The following EPN2 variants were observed in gnomAD, a reference collection of about 807,000 sequenced individuals.
EPN2 encodes the protein epsin 2.
Under a neutral mutation model 61.7 loss-of-function variants are expected in EPN2, and 34 were observed. The ratio of observed to expected loss-of-function variants is 0.55; its 90% confidence interval spans 0.42 to 0.73. The LOEUF is 0.73. EPN2 is among the 30% of genes least tolerant of loss of function. The probability of loss-of-function intolerance (pLI) is 0.00; values close to 1 mark genes in which losing one functional copy is unlikely to be tolerated. For synonymous variants in EPN2, 349 were observed against 353.6 expected, an observed-to-expected ratio of 0.99 and a Z score of 0.15; for missense variants, 714 against 839.2, an observed-to-expected ratio of 0.85 and a Z score of 1.84.
At chr17:19,271,248 G>A (rs2045249980) in intron 1 of EPN2, among the ~76,000 whole-genome samples, 1 of 152,160 alleles carries the variant, frequency 6.6e-6, no homozygotes, top group Non-Finnish European at 1.5e-5. Flanking sequence ...ATGACAGCTG[G>A]TGACGTTGAT....
intron 1 of EPN2, among the ~76,000 whole-genome samples, chr17:19,268,883 T>G (rs4924967): frequency 0.44 from 66,642 of 152,068 alleles, 21,449 homozygotes; most frequent in East Asian, 0.99. Flanking sequence ...TGGGGAAGAC[T>G]GCATACTGTT....
chr17:19,318,905 C>A (rs371644928), intron 7 of EPN2, among the ~76,000 whole-genome samples: 1 of 151,770 alleles, frequency 6.6e-6, no homozygotes, highest in African/African-American at 2.4e-5. Flanking sequence ...AGAATTCTTC[C>A]GGAAATGTTG....
At chr17:19,315,150 C>G (rs73982685) in intron 7 of EPN2, among the ~76,000 whole-genome samples, 42 of 152,292 alleles carry the variant, frequency 2.8e-4, no homozygotes, top group African/African-American at 9.9e-4. Flanking sequence ...TTTTCCCAGT[C>G]AGGAGAGACA....
intron 9 of EPN2, 88 bp downstream of exon 9, chr17:19,329,735 C>T (rs543913877): frequency 2.3e-4 from 171 of 751,388 alleles, no homozygotes; most frequent in South Asian, 6.1e-4. Context: ...TTTCAAAACC[C>T]TTCAGCTTCC....
At chr17:19,305,091 G>C (rs146111371) in intron 4 of EPN2, among the ~76,000 whole-genome samples, 1 of 151,658 alleles carries the variant, frequency 6.6e-6, no homozygotes, top group Non-Finnish European at 1.5e-5. Context: ...TGTCCCATGT[G>C]CTGTAAAATG....
At chr17:19,294,334 C>T (rs999319679) in intron 4 of EPN2, among the ~76,000 whole-genome samples, 6 of 151,970 alleles carry the variant, frequency 3.9e-5, no homozygotes, top group African/African-American at 1.2e-4. Context: ...TGGGAGGAAT[C>T]GCCTGAGCTC....
At chr17:19,302,050 T>C (rs1905550658) in intron 4 of EPN2, among the ~76,000 whole-genome samples, 1 of 152,200 alleles carries the variant, frequency 6.6e-6, no homozygotes, top group Non-Finnish European at 1.5e-5. Flanking sequence ...TGGGCCCCGG[T>C]GTCCTCATCA....
chr17:19,303,021 C>CAT (rs1905610043), intron 4 of EPN2, among the ~76,000 whole-genome samples: 2 of 152,246 alleles, frequency 1.3e-5, no homozygotes, highest in South Asian at 4.1e-4. Flanking sequence ...TACAGGCATC[C>CAT]ACACACAGAG....
intron 7 of EPN2, among the ~76,000 whole-genome samples, chr17:19,316,926 A>G (rs1375431683): frequency 6.6e-6 from 1 of 152,260 alleles, no homozygotes; most frequent in Admixed American, 6.5e-5. Context: ...TAGCTCCTGC[A>G]TTCACTGAAG....
chr17:19,317,963 C>T (rs1906465148), intron 7 of EPN2, among the ~76,000 whole-genome samples: 2 of 152,308 alleles, frequency 1.3e-5, no homozygotes, highest in Admixed American at 6.5e-5. Context: ...ATGACTCCCC[C>T]GCACACAGCA....
At chr17:19,238,788 G>A (rs1418848713) in intron 1 of EPN2, among the ~76,000 whole-genome samples, 4 of 152,154 alleles carry the variant, frequency 2.6e-5, no homozygotes, top group Non-Finnish European at 4.4e-5. Flanking sequence ...AATATGAGAA[G>A]TAATGAGTTA....
chr17:19,275,463 G>A (rs2045296848), intron 1 of EPN2, among the ~76,000 whole-genome samples: 1 of 152,172 alleles, frequency 6.6e-6, no homozygotes, highest in East Asian at 1.9e-4. Context: ...TTCTTCTGTG[G>A]CTGCTTCAAT....
chr17:19,264,999 A>G (rs986234886), intron 1 of EPN2, among the ~76,000 whole-genome samples: 2 of 152,082 alleles, frequency 1.3e-5, no homozygotes, highest in African/African-American at 4.8e-5. Context: ...CCTGGAGGGA[A>G]GGAGAAGGGG....
intron 5 of EPN2, 38 bp downstream of exon 5, chr17:19,310,035 C>G: frequency 7.0e-7 from 1 of 1,429,936 alleles, no homozygotes; most frequent in Non-Finnish European, 9.8e-7. Context: ...CATTGACTGC[C>G]CATGCTCAGG....
chr17:19,290,105 C>T (rs1360762250), intron 4 of EPN2, among the ~76,000 whole-genome samples: 3 of 152,154 alleles, frequency 2.0e-5, no homozygotes, highest in African/African-American at 4.8e-5. Context: ...AAGGCTTACC[C>T]GTGTTGGCTG....
At chr17:19,333,655 T>G (rs1270902524) in intron 10 of EPN2, among the ~76,000 whole-genome samples, 3 of 152,088 alleles carry the variant, frequency 2.0e-5, no homozygotes, top group African/African-American at 7.2e-5. Context: ...GTGTCCTGGG[T>G]GCCAGCACTG....
In EPN2 at chr17:19,336,677, TA is replaced by T. The variant is rs1907476410; in HGVS notation, c.*2424del. On this transcript the variant is annotated 3_prime_UTR_variant, in exon 11 of 11. Transcript: ENST00000314728. ...TGAACTTGTGTTGACTGTTGATACT[TA>T]TTTACTGTATAAATATAATTTATCA... 2 of 152,636 alleles carry T rather than the reference TA, an allele frequency of 1.3e-5. No homozygotes were observed. Among genetic ancestry groups the T allele is most frequent in the African/African-American group, 4.8e-5 (2 of 41,476 alleles). The allele number at this position is 152,636 out of a possible 1,614,324, so 9.5% of individuals were successfully genotyped here.
At chr17:19,240,250 AT>A (rs879776405) in intron 1 of EPN2, among the ~76,000 whole-genome samples, 147 of 145,306 alleles carry the variant, frequency 1.0e-3, no homozygotes, top group Admixed American at 1.0e-3. Flanking sequence ...GATTTGGGGA[AT>A]TTTTTTTTTT....
At chr17:19,307,900 T>A in intron 4 of EPN2, 1 of 985,334 alleles carries the variant, frequency 1.0e-6, no homozygotes, top group South Asian at 4.7e-5. Flanking sequence ...TCTGAAAGCC[T>A]CCTTTGTCAG....
Sources: gnomAD v4.1 joint callset for allele counts (sites outside exome capture counted in the v4.1 genomes callset) on GRCh38, gnomAD v4.1.1 for gene constraint, MANE v1.5 for transcripts, NCBI Gene and HGNC (gene_info 2026-07-23, HGNC 2026-07-21) for gene names.